Variants in THSD4 observed in about 807,000 individuals in gnomAD.
The protein encoded by THSD4 is thrombospondin type 1 domain containing 4, also known as thrombospondin type-1 domain-containing protein 4.
A neutral mutation model predicts 119.0 loss-of-function variants in THSD4; 69 were observed. The ratio of observed to expected loss-of-function variants is 0.58; its 90% CI spans 0.48 to 0.71. The LOEUF is 0.71. THSD4 is among the 30% of genes least tolerant of loss of function. The pLI is 0.00. For missense variants in THSD4, 1,393 were observed against 1,391.1 expected, an observed-to-expected ratio of 1.00 and a Z score of -0.02; for synonymous variants, 524 against 540.4, an observed-to-expected ratio of 0.97 and a Z score of 0.42.
At chr15:71,107,327 AG>A (rs2040278167) in intron 1 of THSD4, among the ~76,000 whole-genome samples, 1 of 152,160 alleles carries the variant, frequency 6.6e-6, no homozygotes, top group African/African-American at 2.4e-5. Flanking sequence ...TGTTTTTAGA[AG>A]GAAGGAAAGA....
intron 5 of THSD4, 71 bp downstream of exon 5, chr15:71,243,167 A>T: frequency 6.8e-7 from 1 of 1,478,714 alleles, no homozygotes; most frequent in African/African-American, 1.4e-5. Context: ...GGCACTAAGC[A>T]TGATGAAGAC....
intron 8 of THSD4, among the ~76,000 whole-genome samples, chr15:71,701,700 G>A (rs1172530282): frequency 2.6e-5 from 4 of 152,030 alleles, no homozygotes; most frequent in African/African-American, 9.7e-5. Context: ...GTCCCATTTT[G>A]TATTAAAAAA....
chr15:71,394,094 C>T (rs531075996), intron 6 of THSD4, among the ~76,000 whole-genome samples: 12 of 92,286 alleles, frequency 1.3e-4, no homozygotes, highest in African/African-American at 3.3e-4. Context: ...TTTTTTTTAC[C>T]ATATTTAGTA....
At chr15:71,745,024 C>T (rs1056268802) in intron 11 of THSD4, 82 bp from the exon 12 acceptor site, 14 of 1,527,050 alleles carry the variant, frequency 9.2e-6, no homozygotes, top group South Asian at 1.3e-5. Context: ...TTCATCAGCA[C>T]CCGAATCTCT....
At chr15:71,654,409 T>C (rs1196269378) in intron 7 of THSD4, among the ~76,000 whole-genome samples, 1 of 152,220 alleles carries the variant, frequency 6.6e-6, no homozygotes, top group Non-Finnish European at 1.5e-5. Flanking sequence ...AGATTAACTG[T>C]TTCCTTATGT....
chr15:71,316,561 T>C (rs181891548), intron 6 of THSD4, among the ~76,000 whole-genome samples: 58 of 152,290 alleles, frequency 3.8e-4, no homozygotes, highest in African/African-American at 1.1e-3. Context: ...TTAAATATAC[T>C]ACACACCAAC....
intron 7 of THSD4, among the ~76,000 whole-genome samples, chr15:71,604,802 G>T (rs958134832): frequency 4.1e-5 from 6 of 147,150 alleles, no homozygotes; most frequent in Non-Finnish European, 7.4e-5. Flanking sequence ...TCTTTGAAGT[G>T]CCAAAAGTGA....
At chr15:71,154,508 G>A (rs1234936397) in intron 2 of THSD4, among the ~76,000 whole-genome samples, 1 of 152,220 alleles carries the variant, frequency 6.6e-6, no homozygotes, top group African/African-American at 2.4e-5. Flanking sequence ...CAGGCACGGT[G>A]CATCCTCTTA....
Position 71,778,759 on chromosome 15 carries a change from A to C in THSD4, c.*1385A>C, listed in dbSNP as rs886583394. The C allele has an allele frequency of 1.3e-5, 2 of 151,524 alleles. No individual in the cohort carries two copies. Among genetic ancestry groups the C allele is most frequent in the African/African-American group, 4.9e-5 (2 of 41,122 alleles). The allele number at this position is 151,524 out of a possible 1,614,324, so 9.4% of individuals were successfully genotyped here. A position where few individuals can be genotyped will look rare whatever the true frequency, so the allele number is the denominator to read the frequency against. On this transcript the variant is annotated 3_prime_UTR_variant, in exon 18 of 18. Coordinates refer to ENST00000261862, the MANE Select transcript of THSD4 (RefSeq NM_024817.3). ...TTAATGCAGTTGGCCTGCGACAAGG[A>C]GCTGTGGACCCTTCCCCATCTCTTC...
intron 2 of THSD4, among the ~76,000 whole-genome samples, chr15:71,143,284 T>C (rs1451735203): frequency 6.6e-6 from 1 of 152,148 alleles, no homozygotes; most frequent in African/African-American, 2.4e-5. Flanking sequence ...TTTAAAACTA[T>C]AGTTTAAAAA....
intron 6 of THSD4, among the ~76,000 whole-genome samples, chr15:71,406,778 C>G (rs1258787828): frequency 6.6e-6 from 1 of 151,816 alleles, no homozygotes; most frequent in Non-Finnish European, 1.5e-5. Context: ...CTCCCGAGTT[C>G]AAGCAATTCT....
At chr15:71,480,827 C>T (rs1373530054) in intron 7 of THSD4, among the ~76,000 whole-genome samples, 5 of 152,166 alleles carry the variant, frequency 3.3e-5, no homozygotes, top group Admixed American at 6.5e-5. Context: ...AAGAGGAGCG[C>T]AGTGGATAGT....
intron 7 of THSD4, among the ~76,000 whole-genome samples, chr15:71,635,610 T>G (rs533983066): frequency 6.6e-6 from 1 of 152,342 alleles, no homozygotes; most frequent in Admixed American, 6.5e-5. Flanking sequence ...GAAAACATGA[T>G]CTTCTAGTTA....
intron 8 of THSD4, among the ~76,000 whole-genome samples, chr15:71,670,073 C>G (rs1488668447): frequency 6.6e-6 from 1 of 152,082 alleles, no homozygotes; most frequent in Admixed American, 6.6e-5. Context: ...TATGCCACTT[C>G]GGGTGTACCT....
intron 7 of THSD4, among the ~76,000 whole-genome samples, chr15:71,616,176 G>A (rs889721474): frequency 6.6e-6 from 1 of 152,078 alleles, no homozygotes; most frequent in Non-Finnish European, 1.5e-5. Context: ...AAAATCTGTT[G>A]AACAGACAGA....
At chr15:71,652,979 A>T (rs1337423231) in intron 7 of THSD4, among the ~76,000 whole-genome samples, 8 of 152,168 alleles carry the variant, frequency 5.3e-5, no homozygotes, top group Non-Finnish European at 1.2e-4. Flanking sequence ...AGGATTCTTC[A>T]TATCAGGGCT....
intron 6 of THSD4, among the ~76,000 whole-genome samples, chr15:71,320,636 C>G (rs953584211): frequency 6.6e-6 from 1 of 152,182 alleles, no homozygotes; most frequent in Non-Finnish European, 1.5e-5. Context: ...GGAACGTGAT[C>G]AAACTTTTTG....
At chr15:71,476,493 C>T (rs10163039) in intron 7 of THSD4, among the ~76,000 whole-genome samples, 115,993 of 151,964 alleles carry the variant, frequency 0.76, 44,411 homozygotes, top group Admixed American at 0.79. Context: ...CCACCCACCT[C>T]GGCCTCCCAA....
chr15:71,459,517 G>T (rs1400860052), intron 7 of THSD4, among the ~76,000 whole-genome samples: 3 of 152,040 alleles, frequency 2.0e-5, no homozygotes, highest in Non-Finnish European at 4.4e-5. Context: ...AAGGTAGAAT[G>T]AAATATTTCT....
Sources: gnomAD v4.1 joint callset for allele counts (sites outside exome capture counted in the v4.1 genomes callset) on GRCh38, gnomAD v4.1.1 for gene constraint, MANE v1.5 for transcripts, NCBI Gene and HGNC (gene_info 2026-07-23, HGNC 2026-07-21) for gene names.